ANKRD45: variants seen among roughly 807,000 people sequenced by gnomAD.
ANKRD45 encodes ankyrin repeat domain 45.
Under a neutral mutation model 28.1 loss-of-function variants are expected in ANKRD45, and 21 were observed. The ratio of observed to expected loss-of-function variants is 0.75; its 90% CI spans 0.53 to 1.08. The LOEUF is 1.08. Ranked by LOEUF, ANKRD45 falls within the 50% of genes least tolerant of loss-of-function variation. The pLI, the probability that ANKRD45 is intolerant of heterozygous loss-of-function variation, is 0.00. For synonymous variants in ANKRD45, 86 were observed against 103.9 expected (o/e 0.83, Z 1.05); for missense variants, 261 against 308.7 (o/e 0.85, Z 1.16).
At chr1:173,652,343 G>A (rs12084833) in intron 2 of ANKRD45, among the ~76,000 whole-genome samples, 25,860 of 152,010 alleles carry the variant, frequency 0.17, 7,326 homozygotes, top group African/African-American at 0.59. Flanking sequence ...TTCTGTATCT[G>A]TTGAGATAAT....
At chr1:173,658,981 T>C in intron 2 of ANKRD45, 110 bp downstream of exon 2, 1 of 1,430,642 alleles carries the variant, frequency 7.0e-7, no homozygotes, top group Non-Finnish European at 9.3e-7. Context: ...TATATACACA[T>C]ATATGTAAAG....
chr1:173,712,794 G>GA, the ANKRD45 span, among the ~76,000 whole-genome samples: 2 of 152,206 alleles, frequency 1.3e-5, no homozygotes, highest in Non-Finnish European at 2.9e-5. Context: ...ATAAAGCAGT[G>GA]AAAATAAATA....
At chr1:173,665,074 A>G (rs907181778) in intron 1 of ANKRD45, among the ~76,000 whole-genome samples, 6 of 152,220 alleles carry the variant, frequency 3.9e-5, no homozygotes, top group African/African-American at 1.4e-4. Flanking sequence ...AGCTACCATC[A>G]TCATTATTAG....
At chr1:173,650,515 G>T (rs1034886073) in intron 2 of ANKRD45, among the ~76,000 whole-genome samples, 4 of 152,128 alleles carry the variant, frequency 2.6e-5, no homozygotes, top group African/African-American at 7.2e-5. Context: ...TGGGCACTTG[G>T]GTTGGTTCCA....
intron 1 of ANKRD45, among the ~76,000 whole-genome samples, chr1:173,659,883 A>G (rs1461183681): frequency 6.6e-6 from 1 of 152,228 alleles, no homozygotes; most frequent in Admixed American, 6.5e-5. Flanking sequence ...AGTAACACAT[A>G]CTGAAAGCAC....
intron 3 of ANKRD45, among the ~76,000 whole-genome samples, chr1:173,633,068 G>A (rs1267506918): frequency 6.6e-6 from 1 of 151,902 alleles, no homozygotes; most frequent in East Asian, 1.9e-4. Context: ...CTTGATTCCG[G>A]CTGATATAAT....
chr1:173,622,422 G>A (rs1310300204), intron 5 of ANKRD45, among the ~76,000 whole-genome samples: 1 of 152,186 alleles, frequency 6.6e-6, no homozygotes, highest in Non-Finnish European at 1.5e-5. Context: ...CAAGGCTACA[G>A]TAACAAAAAC....
At chr1:173,666,842 C>T (rs144680569) in intron 1 of ANKRD45, among the ~76,000 whole-genome samples, 11 of 152,246 alleles carry the variant, frequency 7.2e-5, no homozygotes, top group South Asian at 2.1e-4. Flanking sequence ...AGCCTGAACT[C>T]CTGGGCTCAA....
the ANKRD45 span, among the ~76,000 whole-genome samples, chr1:173,679,648 G>A: frequency 9.9e-5 from 15 of 152,166 alleles, no homozygotes; most frequent in Non-Finnish European, 1.6e-4. Flanking sequence ...AAGACTTCAT[G>A]ACTAAAACAC....
chr1:173,670,144 A>G (rs553293104), upstream of ANKRD45, among the ~76,000 whole-genome samples: 99 of 152,352 alleles, frequency 6.5e-4, no homozygotes, highest in Non-Finnish European at 1.3e-3. Flanking sequence ...AAAAACTACA[A>G]AAGATTGTAT....
chr1:173,632,153 A>G (rs902830930), intron 3 of ANKRD45, among the ~76,000 whole-genome samples: 2 of 152,048 alleles, frequency 1.3e-5, no homozygotes, highest in African/African-American at 4.8e-5. Context: ...ATGAAAAAGA[A>G]GACATTACAA....
intron 3 of ANKRD45, chr1:173,635,867 T>C: frequency 6.8e-7 from 1 of 1,464,836 alleles, no homozygotes; most frequent in African/African-American, 1.4e-5. Context: ...ATACAAGTAG[T>C]AATAGTTACA....
At chr1:173,652,764 C>G (rs1669294685) in intron 2 of ANKRD45, among the ~76,000 whole-genome samples, 1 of 152,180 alleles carries the variant, frequency 6.6e-6, no homozygotes, top group African/African-American at 2.4e-5. Flanking sequence ...ATTACTGCCT[C>G]AATTTCAGAT....
intron 3 of ANKRD45, 83 bp downstream of exon 3, chr1:173,646,762 GA>G: frequency 3.6e-6 from 5 of 1,374,302 alleles, no homozygotes; most frequent in Non-Finnish European, 5.0e-6. Context: ...AAAACACTGT[GA>G]AAAAAGGTGA....
the ANKRD45 span, among the ~76,000 whole-genome samples, chr1:173,690,060 C>CCG: frequency 2.6e-5 from 2 of 75,684 alleles, no homozygotes; most frequent in Admixed American, 9.7e-5. Context: ...TGCCTGCCCC[C>CCG]CGCCCCCCCC....
chr1:173,614,278 A>T (rs1422981373), intron 5 of ANKRD45, among the ~76,000 whole-genome samples: 3 of 151,730 alleles, frequency 2.0e-5, no homozygotes, highest in African/African-American at 4.8e-5. Context: ...AAAAAAAAAA[A>T]TAAATAAAAT....
Position 173,613,567 on chromosome 1 carries a change from C to CG in ANKRD45, c.731-3353_731-3352insC, listed in dbSNP as rs1424374895. On this transcript the variant is annotated intron_variant, in intron 5 of 5. Transcript: ENST00000333279. ...GGGAGGGAGGTGGGGGGTCAGCCCC[C>CG]CCCCCGGCCAGCCGCCCCGTCCGGG... Among the ~76,000 whole-genome samples, 34 of 148,226 alleles carry CG rather than the reference C, an allele frequency of 2.3e-4. 2 individuals carry two copies. The highest frequency in any genetic ancestry group is 8.3e-4 in the African/African-American group (33 of 39,794).
In ANKRD45 at chr1:173,646,977, C is replaced by T. The variant is rs142735907; in HGVS notation, c.365G>A (p.Arg122His). 35 of 1,613,938 alleles carry T rather than the reference C, an allele frequency of 2.2e-5. No individual in the cohort carries two copies. Among genetic ancestry groups the T allele is most frequent in the Non-Finnish European group, 2.8e-5 (33 of 1,179,996 alleles). Residue 122 changes from arginine (R) to histidine (H), a missense_variant, in exon 3 of 6, where the codon CGT becomes CAT. Physicochemically the swap from Arg to His is conservative, Grantham distance 29. Coordinates refer to ENST00000333279, the MANE Select transcript of ANKRD45 (RefSeq NM_198493.3). ...TACCAGTGCTTTCAAAGTTTCCAAACGACCCCAGGCTGCAGCACAATGTAA... is the reference window on the plus strand; with the variant it reads ...TACCAGTGCTTTCAAAGTTTCCAAATGACCCCAGGCTGCAGCACAATGTAA... ...TLLHCAAAWG[R>H]LETLKALVEL... is the part of the protein sequence containing the mutation.
chr1:173,693,836 C>T, the ANKRD45 span, among the ~76,000 whole-genome samples: 1 of 152,218 alleles, frequency 6.6e-6, no homozygotes, highest in South Asian at 2.1e-4. Context: ...GCATAAATTT[C>T]CTTAGCCCCC....
Sources: allele counts gnomAD v4.1 joint callset (sites outside exome capture counted in the v4.1 genomes callset), GRCh38; gene constraint gnomAD v4.1.1; transcripts MANE v1.5; gene names NCBI Gene and HGNC (gene_info 2026-07-23, HGNC 2026-07-21).